The following GPC5 variants were observed in gnomAD, a reference collection of about 807,000 sequenced individuals.
GPC5 encodes the protein glypican 5, also known as glypican-5.
A neutral mutation model predicts 53.9 loss-of-function variants in GPC5; 47 were observed. The ratio of observed to expected loss-of-function variants is 0.87; its 90% CI spans 0.69 to 1.11. The LOEUF (loss-of-function observed/expected upper bound fraction) is 1.11, where lower values mean the gene tolerates loss of function less well. GPC5 is among the 50% of genes most tolerant of loss of function. GPC5 has a pLI of 0.00. For missense variants in GPC5, 748 were observed against 713.1 expected, an observed-to-expected ratio of 1.05 and a Z score of -0.56; for synonymous variants, 286 against 263.3, an observed-to-expected ratio of 1.09 and a Z score of -0.84.
At chr13:91,907,181 T>G (rs770129337) in intron 5 of GPC5, among the ~76,000 whole-genome samples, 35 of 149,272 alleles carry the variant, frequency 2.3e-4, no homozygotes, top group African/African-American at 8.3e-4. Flanking sequence ...TGTTTGTTAT[T>G]GATGTATACT....
chr13:92,646,929 CATGT>C (rs1317483844), intron 7 of GPC5, among the ~76,000 whole-genome samples: 10 of 135,154 alleles, frequency 7.4e-5, no homozygotes, highest in African/African-American at 1.4e-4. Flanking sequence ...TATATATAAA[CATGT>C]GTGTGTGTGT....
intron 7 of GPC5, among the ~76,000 whole-genome samples, chr13:92,420,360 T>C (rs763990088): frequency 1.3e-5 from 2 of 152,166 alleles, no homozygotes; most frequent in South Asian, 2.1e-4. Flanking sequence ...TTTTTAATTT[T>C]AATTTTTGTG....
intron 7 of GPC5, among the ~76,000 whole-genome samples, chr13:92,184,065 G>A (rs1188986998): frequency 1.3e-5 from 2 of 151,706 alleles, no homozygotes; most frequent in East Asian, 3.9e-4. Context: ...AATTCATATG[G>A]CTCTAATCCT....
At chr13:92,622,992 T>C (rs1884924702) in intron 7 of GPC5, among the ~76,000 whole-genome samples, 1 of 152,060 alleles carries the variant, frequency 6.6e-6, no homozygotes, top group African/African-American at 2.4e-5. Flanking sequence ...TGAGGAGAAA[T>C]ATTTTTTCCT....
intron 7 of GPC5, among the ~76,000 whole-genome samples, chr13:92,755,544 G>A (rs1272717224): frequency 6.6e-6 from 1 of 151,474 alleles, no homozygotes; most frequent in Non-Finnish European, 1.5e-5. Flanking sequence ...TCCAGGAGCT[G>A]GTTTTTTGAA....
intron 7 of GPC5, among the ~76,000 whole-genome samples, chr13:92,457,991 T>A (rs1316943067): frequency 6.6e-6 from 1 of 152,082 alleles, no homozygotes; most frequent in East Asian, 1.9e-4. Context: ...ATTGAGGTAA[T>A]CAAGAGAAGA....
At chr13:92,488,595 A>G (rs1249159506) in intron 7 of GPC5, among the ~76,000 whole-genome samples, 1 of 152,186 alleles carries the variant, frequency 6.6e-6, no homozygotes, top group African/African-American at 2.4e-5. Flanking sequence ...GTGAAGTGCT[A>G]TCATTTTTGT....
chr13:92,099,065 T>G (rs150049853), intron 6 of GPC5, among the ~76,000 whole-genome samples: 1 of 152,238 alleles, frequency 6.6e-6, no homozygotes, highest in Non-Finnish European at 1.5e-5. Flanking sequence ...AGACCCTGCG[T>G]CTAATTGATT....
chr13:92,853,285 T>C (rs1466999271), intron 7 of GPC5, among the ~76,000 whole-genome samples: 1 of 152,078 alleles, frequency 6.6e-6, no homozygotes, highest in Non-Finnish European at 1.5e-5. Flanking sequence ...TGAGGTATTT[T>C]CAGAGAGAGA....
chr13:92,691,323 G>A (rs557296289), intron 7 of GPC5, among the ~76,000 whole-genome samples: 13 of 136,244 alleles, frequency 9.5e-5, no homozygotes, highest in East Asian at 2.5e-4. Context: ...GGAGTGACCC[G>A]ATTTTCCAGG....
At chr13:92,754,171 T>C (rs952971478) in intron 7 of GPC5, among the ~76,000 whole-genome samples, 3 of 152,102 alleles carry the variant, frequency 2.0e-5, no homozygotes, top group African/African-American at 4.8e-5. Context: ...TGGGGGCCAA[T>C]ATTCAACATT....
At chr13:91,769,345 A>G (rs1197955348) in intron 5 of GPC5, among the ~76,000 whole-genome samples, 1 of 152,126 alleles carries the variant, frequency 6.6e-6, no homozygotes, top group African/African-American at 2.4e-5. Flanking sequence ...CTGCTACTTG[A>G]CCAAACCCAC....
chr13:91,531,220 C>T lies in GPC5; in HGVS notation c.325+82298C>T, dbSNP rs376436002. 1.2e-3 allele frequency among the ~76,000 whole-genome samples: 178 copies of T among 152,250 alleles called. 1 individual carries two copies. Among genetic ancestry groups the T allele is most frequent in the African/African-American group, 4.0e-3 (165 of 41,538 alleles). On this transcript the variant is annotated intron_variant, in intron 2 of 7. Transcript: ENST00000377067. The stretch of plus-strand genomic sequence containing the variant: ...ACATTGTATGTATGGTCTTATTTTA[C>T]GGTATTGAAGTTTGCACAGAAATGA...
At chr13:92,459,815 T>C (rs1266880333) in intron 7 of GPC5, among the ~76,000 whole-genome samples, 1 of 152,170 alleles carries the variant, frequency 6.6e-6, no homozygotes, top group Non-Finnish European at 1.5e-5. Context: ...TTTTTTCAGC[T>C]TGTCTCTCTA....
intron 1 of GPC5, among the ~76,000 whole-genome samples, chr13:91,409,326 A>G (rs1279293444): frequency 2.6e-5 from 4 of 152,194 alleles, no homozygotes; most frequent in Admixed American, 2.6e-4. Context: ...AATAAGAAAA[A>G]CATGGCAAAA....
chr13:92,159,274 C>T (rs2041968589), intron 7 of GPC5, among the ~76,000 whole-genome samples: 2 of 152,174 alleles, frequency 1.3e-5, no homozygotes, highest in Admixed American at 1.3e-4. Context: ...GAAAGCACTT[C>T]GTCTGGTTTC....
chr13:91,671,697 A>G (rs762450312), intron 2 of GPC5, among the ~76,000 whole-genome samples: 18 of 151,408 alleles, frequency 1.2e-4, no homozygotes, highest in Non-Finnish European at 7.4e-5. Context: ...AACTACCATT[A>G]ACATTCTTCA....
intron 7 of GPC5, among the ~76,000 whole-genome samples, chr13:92,681,046 C>G (rs935358397): frequency 6.6e-6 from 1 of 151,932 alleles, no homozygotes; most frequent in Admixed American, 6.6e-5. Context: ...ACCCTTTCCC[C>G]TGTTGCTGAT....
At chr13:92,454,813 T>C (rs1386483197) in intron 7 of GPC5, among the ~76,000 whole-genome samples, 2 of 152,188 alleles carry the variant, frequency 1.3e-5, no homozygotes, top group Non-Finnish European at 2.9e-5. Flanking sequence ...TAGTGATTTT[T>C]TTAAACTTCA....
Sources: allele counts gnomAD v4.1 joint callset (sites outside exome capture counted in the v4.1 genomes callset), GRCh38; gene constraint gnomAD v4.1.1; transcripts MANE v1.5; gene names NCBI Gene and HGNC (gene_info 2026-07-23, HGNC 2026-07-21).